The following FIGNL2 variants were observed in gnomAD, a reference collection of about 807,000 sequenced individuals.
FIGNL2 encodes the protein fidgetin-like protein 2.
For missense variants in FIGNL2, 1,060 were observed against 950.2 expected (o/e 1.12, Z -1.52); for synonymous variants, 565 against 484.0 (o/e 1.17, Z -2.20).
intron 1 of FIGNL2, among the ~76,000 whole-genome samples, chr12:51,837,424 C>T (rs1268260916): frequency 6.6e-6 from 1 of 152,194 alleles, no homozygotes; most frequent in African/African-American, 2.4e-5. Context: ...GTGGGGCCTG[C>T]CGGTACCCCC....
At chr12:51,829,922 A>G (rs189096164) in intron 1 of FIGNL2, among the ~76,000 whole-genome samples, 7 of 152,298 alleles carry the variant, frequency 4.6e-5, no homozygotes, top group African/African-American at 1.7e-4. Flanking sequence ...AAATTTCAGG[A>G]GGAGTAAGTT....
intron 1 of FIGNL2, chr12:51,847,226 C>G: frequency 1.0e-6 from 1 of 985,382 alleles, no homozygotes; most frequent in Non-Finnish European, 1.2e-6. Flanking sequence ...CCGGGAGGGT[C>G]TGGGACTCCC....
chr12:51,828,215 G>A (rs1293389500), intron 1 of FIGNL2: 1 of 152,200 alleles, frequency 6.6e-6, no homozygotes, highest in Non-Finnish European at 1.5e-5. Context: ...CCCTGTGAAG[G>A]GCCATCAGAT....
At chr12:51,834,109 T>G (rs303792) in intron 1 of FIGNL2, among the ~76,000 whole-genome samples, 9 of 133,896 alleles carry the variant, frequency 6.7e-5, no homozygotes, top group South Asian at 2.5e-4. Flanking sequence ...GGATGGATGG[T>G]TGGATGGATG....
Position 51,825,035 on chromosome 12 carries a change from ACT to A in FIGNL2, c.-11-2613_-11-2612del, listed in dbSNP as rs1939308422. The stretch of plus-strand genomic sequence containing the variant: ...CTCCAGCCTGGGCGACAAGAGTGAG[ACT>A]CCATCTCAAAACAAACAAACAAACA... On this transcript the variant is annotated intron_variant, in intron 1 of 1. Coordinates refer to ENST00000618634, the MANE Select transcript of FIGNL2 (RefSeq NM_001384995.1). Among the ~76,000 whole-genome samples the A allele has an allele frequency of 4.0e-5, 6 of 151,898 alleles. No homozygotes were observed. The South Asian group carries it at 1.3e-3, about 32-fold the overall frequency.
intron 1 of FIGNL2, among the ~76,000 whole-genome samples, chr12:51,842,768 G>C (rs1939684107): frequency 6.6e-6 from 1 of 152,130 alleles, no homozygotes; most frequent in Admixed American, 6.5e-5. Context: ...CCTCGCCATA[G>C]CCCAGAGGCT....
At chr12:51,827,894 C>G (rs2138982087) in intron 1 of FIGNL2, among the ~76,000 whole-genome samples, 1 of 152,318 alleles carries the variant, frequency 6.6e-6, no homozygotes, top group Non-Finnish European at 1.5e-5. Flanking sequence ...CATCGCCTCC[C>G]CAGATGAGGA....
intron 1 of FIGNL2, among the ~76,000 whole-genome samples, chr12:51,832,207 G>A (rs1939485434): frequency 6.6e-6 from 1 of 152,006 alleles, no homozygotes; most frequent in Admixed American, 6.6e-5. Context: ...AGTAGAGACA[G>A]GGTTTCTCTA....
At chr12:51,825,296 C>G (rs543934092) in intron 1 of FIGNL2, among the ~76,000 whole-genome samples, 1 of 152,230 alleles carries the variant, frequency 6.6e-6, no homozygotes, top group South Asian at 2.1e-4. Context: ...CTGGACTTGT[C>G]CACACACATC....
Position 51,820,086 on chromosome 12 carries a change from T to C in FIGNL2, c.*366A>G. On this transcript the variant is annotated 3_prime_UTR_variant, in exon 2 of 2. Coordinates refer to ENST00000618634, the MANE Select transcript of FIGNL2 (RefSeq NM_001384995.1). Reference sequence around the variant, plus strand: ...AATGCAGAGAATGGGATGGAGAGAGTGAGGGAGAAGGAGGGTGCCATTCAG... The same window carrying C: ...AATGCAGAGAATGGGATGGAGAGAGCGAGGGAGAAGGAGGGTGCCATTCAG... 3.9e-6 allele frequency: 1 copy of C among 255,318 alleles called. No homozygotes were observed. Among genetic ancestry groups the C allele is most frequent in the South Asian group, 4.4e-5 (1 of 22,514 alleles). 15.8% of individuals were successfully genotyped at this position (255,318 alleles called of 1,614,324 possible). A position where few individuals can be genotyped will look rare whatever the true frequency, so the allele number is the denominator to read the frequency against.
chr12:51,845,761 C>A, intron 1 of FIGNL2: 2 of 706,166 alleles, frequency 2.8e-6, no homozygotes, highest in Non-Finnish European at 3.4e-6. Context: ...CCAGCAATGG[C>A]AGCAGTCGGA....
At position 51,820,928 on chromosome 12, in the gene FIGNL2, G is replaced by A. The variant is rs2138968469; in HGVS notation, c.1486C>T (p.Leu496=). 2 of 1,319,508 alleles carry A rather than the reference G, an allele frequency of 1.5e-6. No homozygotes were observed. Among genetic ancestry groups the A allele is most frequent in the Admixed American group, 4.2e-5 (1 of 23,886 alleles). 81.7% of individuals were successfully genotyped at this position (1,319,508 alleles called of 1,614,324 possible). Residue 496 remains leucine, a synonymous_variant, in exon 2 of 2, where the codon CTG becomes TTG. Transcript: ENST00000618634. ...GCGCCGTCGTCCCGGGCGGGGAGCA[G>A]CGCCTCTAGCTCGCTGATGAGGAGT... The part of the protein sequence containing the change: ...SVLLISELEA[L]LPARDDGAAA...
At position 51,821,806 on chromosome 12, in the gene FIGNL2, T is replaced by C. The variant is rs1293166210; in HGVS notation, c.608A>G (p.Tyr203Cys). Reference protein sequence around the residue: ...PPGYGPSAPLYNYPAGGYAAQ... With the variant: ...PPGYGPSAPLCNYPAGGYAAQ... ...TGCGTAGCCCCCTGCGGGATAGTTG[T>C]ACAGCGGCGCTGAGGGCCCGTACCC... The change falls in exon 2 of 2, where the codon TAC becomes TGC. Residue 203 changes from tyrosine to cysteine, a missense_variant. Transcript: ENST00000618634. The C allele has an allele frequency of 3.1e-6, 4 of 1,274,880 alleles. No individual in the cohort carries two copies. The highest frequency in any genetic ancestry group is 6.5e-5 in the East Asian group (2 of 30,556). The allele number at this position is 1,274,880 out of a possible 1,614,324, so 79.0% of individuals were successfully genotyped here.
chr12:51,843,959 A>G (rs1484805813), intron 1 of FIGNL2, among the ~76,000 whole-genome samples: 1 of 151,952 alleles, frequency 6.6e-6, no homozygotes, highest in Non-Finnish European at 1.5e-5. Flanking sequence ...TGTGGGCCAG[A>G]ACTTTCACAC....
chr12:51,828,961 G>A (rs1939399737), intron 1 of FIGNL2, among the ~76,000 whole-genome samples: 1 of 152,194 alleles, frequency 6.6e-6, no homozygotes, highest in Admixed American at 6.5e-5. Flanking sequence ...AACCCCCGAA[G>A]GAGACCCCCA....
At position 51,820,975 on chromosome 12, in the gene FIGNL2, G is replaced by C; in HGVS notation, c.1439C>G (p.Ala480Gly). ...ARLLQAAFAAARCRPPSVLLI... is the reference protein window; with the variant it reads ...ARLLQAAFAAGRCRPPSVLLI... Reference sequence around the variant, plus strand: ...GAGTACGGAGGGTGGGCGGCAGCGCGCGGCCGCGAAGGCGGCCTGGAGGAG... The same window carrying C: ...GAGTACGGAGGGTGGGCGGCAGCGCCCGGCCGCGAAGGCGGCCTGGAGGAG... The change falls in exon 2 of 2, where the codon GCG becomes GGG. Residue 480 changes from alanine (A) to glycine (G), a missense_variant. Physicochemically the swap from Ala to Gly is moderately conservative, Grantham distance 60 (BLOSUM62 0). Transcript: ENST00000618634. 1.1e-5 allele frequency: 14 copies of C among 1,217,820 alleles called. No individual in the cohort carries two copies. Among genetic ancestry groups the C allele is most frequent in the Non-Finnish European group, 1.4e-5 (14 of 981,034 alleles). 75.4% of individuals were successfully genotyped at this position (1,217,820 alleles called of 1,614,324 possible). A position where few individuals can be genotyped will look rare whatever the true frequency, so the allele number is the denominator to read the frequency against.
intron 1 of FIGNL2, among the ~76,000 whole-genome samples, chr12:51,843,646 C>T (rs1275649489): frequency 6.6e-6 from 1 of 152,076 alleles, no homozygotes; most frequent in Non-Finnish European, 1.5e-5. Context: ...CCTGAGTCTG[C>T]CCTGGCAGTG....
intron 1 of FIGNL2, among the ~76,000 whole-genome samples, chr12:51,843,845 G>T (rs1293359774): frequency 6.6e-6 from 1 of 152,104 alleles, no homozygotes; most frequent in Non-Finnish European, 1.5e-5. Flanking sequence ...AGGGCAAGAT[G>T]GGAGGATCAC....
chr12:51,830,462 A>G (rs1939430020), intron 1 of FIGNL2, among the ~76,000 whole-genome samples: 1 of 151,874 alleles, frequency 6.6e-6, no homozygotes, highest in Non-Finnish European at 1.5e-5. Context: ...TTTATTTAAA[A>G]AAAGAAATTT....
Sources: gnomAD v4.1 joint callset for allele counts (sites outside exome capture counted in the v4.1 genomes callset) on GRCh38, gnomAD v4.1.1 for gene constraint, MANE v1.5 for transcripts, NCBI Gene and HGNC (gene_info 2026-07-23, HGNC 2026-07-21) for gene names.